The following SCAMP3 variants were observed in gnomAD, a reference collection of about 807,000 sequenced individuals.
The protein encoded by SCAMP3 is secretory carrier membrane protein 3, also known as secretory carrier-associated membrane protein 3.
A neutral mutation model predicts 44.1 loss-of-function variants in SCAMP3; 30 were observed. That is an observed-to-expected ratio of 0.68 (90% CI 0.51 to 0.92). The LOEUF (loss-of-function observed/expected upper bound fraction) is 0.92, where lower values mean the gene tolerates loss of function less well. Ranked by LOEUF, SCAMP3 falls within the 40% of genes least tolerant of loss-of-function variation. The pLI is 0.00. For missense variants in SCAMP3, 394 were observed against 440.0 expected, an observed-to-expected ratio of 0.90 and a Z score of 0.93; for synonymous variants, 168 against 171.1, an observed-to-expected ratio of 0.98 and a Z score of 0.14.
Position 155,262,189 on chromosome 1 carries a change from C to G in SCAMP3, c.-38G>C. The G allele has an allele frequency of 6.3e-7, 1 of 1,591,242 alleles. No individual in the cohort carries two copies. The highest frequency in any genetic ancestry group is 8.6e-7 in the Non-Finnish European group (1 of 1,164,344). ...GGCCTCCGCGGCCCTCTGCCCTCCA[C>G]GCCCCTGCCGCAGCAGTGGCGGTAG... On this transcript the variant is annotated 5_prime_UTR_variant, in exon 1 of 9. Coordinates refer to ENST00000302631, the MANE Select transcript of SCAMP3 (RefSeq NM_005698.4).
chr1:155,259,812 A>G (rs898826761), intron 4 of SCAMP3, among the ~76,000 whole-genome samples: 1 of 152,224 alleles, frequency 6.6e-6, no homozygotes, highest in Non-Finnish European at 1.5e-5. Flanking sequence ...CAACCCTGTC[A>G]AACGGATGCA....
At chr1:155,257,224 C>A in intron 7 of SCAMP3, 61 bp downstream of exon 7, 1 of 1,136,290 alleles carries the variant, frequency 8.8e-7, no homozygotes, top group Non-Finnish European at 1.3e-6. Context: ...ACTCCTATCC[C>A]AGCACCCAGT....
rs778845851 is a variant in SCAMP3, at chr1:155,262,156, G to GC, written c.-6dup. The GC allele has an allele frequency of 1.2e-6, 2 of 1,613,138 alleles. No individual in the cohort carries two copies. Among genetic ancestry groups the GC allele is most frequent in the South Asian group, 1.1e-5 (1 of 91,072 alleles). ...GCCGTCTCTGCTCTGAGCCATGTTT[G>GC]CAACTGCGGCCTCCGCGGCCCTCTG... is the stretch of plus-strand genomic sequence containing the variant. On this transcript the variant is annotated 5_prime_UTR_variant, in exon 1 of 9. Transcript: ENST00000302631.
chr1:155,256,140 G>T lies in SCAMP3; in HGVS notation c.*133C>A. On this transcript the variant is annotated 3_prime_UTR_variant, in exon 9 of 9. Transcript: ENST00000302631. ...CCCCACACGCCTGTCAGGTTCAGCA[G>T]TCATGGCCATAGGATTGGGAGCACT... 1.1e-6 allele frequency: 1 copy of T among 916,204 alleles called. No individual in the cohort carries two copies. Among genetic ancestry groups the T allele is most frequent in the Non-Finnish European group, 1.6e-6 (1 of 615,702 alleles). 56.8% of individuals were successfully genotyped at this position (916,204 alleles called of 1,614,324 possible).
chr1:155,261,319 C>A, intron 2 of SCAMP3: 1 of 316,074 alleles, frequency 3.2e-6, no homozygotes. Flanking sequence ...TAGTCCTCCT[C>A]ATTCCTTGCT....
rs994884748 is a variant in SCAMP3, at chr1:155,257,225, A to G, written c.779+60T>C. On this transcript the variant is annotated intron_variant, in intron 7 of 8. Coordinates refer to ENST00000302631, the MANE Select transcript of SCAMP3 (RefSeq NM_005698.4). ...CCTTTTTCTGAACAACTCCTATCCC[A>G]GCACCCAGTGCTGGCTGGATCTAGA... The G allele has an allele frequency of 5.7e-5, 65 of 1,142,096 alleles. No individual in the cohort carries two copies. The Middle Eastern group carries it at 5.8e-4, about 10-fold the overall frequency. The allele number at this position is 1,142,096 out of a possible 1,614,324, so 70.7% of individuals were successfully genotyped here. A position where few individuals can be genotyped will look rare whatever the true frequency, so the allele number is the denominator to read the frequency against.
Position 155,258,823 on chromosome 1 carries a change from C to T in SCAMP3, c.517+3G>A, listed in dbSNP as rs768583530. 5.6e-6 allele frequency: 9 copies of T among 1,603,460 alleles called. No homozygotes were observed. Among genetic ancestry groups the T allele is most frequent in the Admixed American group, 1.7e-5 (1 of 57,882 alleles). ...TTCCTCCAAAAGGCTTCTCACTACT[C>T]ACACATCCAGAGGTAGTACATGGTG... On this transcript the variant is annotated splice_donor_region_variant and intron_variant, in intron 5 of 8. Transcript: ENST00000302631.
chr1:155,262,062 AAG>A (rs1196063596), intron 1 of SCAMP3, 22 bp downstream of exon 1: 1 of 1,611,916 alleles, frequency 6.2e-7, no homozygotes, highest in Non-Finnish European at 8.5e-7. Flanking sequence ...GACCGCCCAA[AAG>A]AGGCCGACTG....
In SCAMP3 at chr1:155,261,739, G is replaced by A. The variant is rs1184074593; in HGVS notation, c.67-5C>T. 6.2e-7 allele frequency: 1 copy of A among 1,613,692 alleles called. No homozygotes were observed. Among genetic ancestry groups the A allele is most frequent in the South Asian group, 1.1e-5 (1 of 91,082 alleles). On this transcript the variant is annotated splice_region_variant and splice_polypyrimidine_tract_variant and intron_variant, in intron 1 of 8. Transcript: ENST00000302631. ...GTGCTGGATCACAGCTGGGTCCTGA[G>A]GGCAGAGACCCGGGTCTCAGCTGGC...
intron 2 of SCAMP3, chr1:155,261,305 G>T: frequency 3.6e-6 from 1 of 276,182 alleles, no homozygotes; most frequent in Non-Finnish European, 7.0e-6. Context: ...GGGACAAACA[G>T]GTGTAGTCCT....
chr1:155,258,029 T>C (rs1672853633), intron 5 of SCAMP3, among the ~76,000 whole-genome samples: 2 of 149,856 alleles, frequency 1.3e-5, no homozygotes, highest in Non-Finnish European at 3.0e-5. Flanking sequence ...TTTTCTTTTT[T>C]TTTTTTTGAG....
chr1:155,258,758 G>A (rs1358596242), intron 5 of SCAMP3, 68 bp downstream of exon 5: 5 of 1,456,460 alleles, frequency 3.4e-6, no homozygotes, highest in Non-Finnish European at 4.6e-6. Flanking sequence ...TTGGTTCTTG[G>A]TGAGCGGACC....
intron 4 of SCAMP3, among the ~76,000 whole-genome samples, chr1:155,259,180 T>C (rs1291466733): frequency 2.0e-5 from 3 of 148,184 alleles, no homozygotes; most frequent in Non-Finnish European, 3.0e-5. Flanking sequence ...TTTTTTTTTT[T>C]TTTTTTCTCC....
chr1:155,256,446 C>G, intron 8 of SCAMP3, 27 bp from the exon 9 acceptor site: 2 of 1,557,286 alleles, frequency 1.3e-6, no homozygotes, highest in South Asian at 2.4e-5. Context: ...AAGACATTAC[C>G]GCCCATTCCA....
chr1:155,257,563 G>C lies in SCAMP3; in HGVS notation c.612C>G (p.Leu204=). The C allele has an allele frequency of 6.2e-7, 1 of 1,609,104 alleles. No homozygotes were observed. The highest frequency in any genetic ancestry group is 8.5e-7 in the Non-Finnish European group (1 of 1,177,256). The change falls in exon 6 of 9, where the codon CTC becomes CTG. Residue 204 remains leucine (L), a synonymous_variant. Coordinates refer to ENST00000302631, the MANE Select transcript of SCAMP3 (RefSeq NM_005698.4). ...AGCAGGGAGTGAAAAGGAGGACCCA[G>C]AGGATAGAAAGCCCAAAGCCTGCGC... ...NNGAGFGLSI[L]WVLLFTPCSF...
chr1:155,260,501 C>A, intron 3 of SCAMP3, 36 bp downstream of exon 3: 1 of 1,614,132 alleles, frequency 6.2e-7, no homozygotes, highest in Non-Finnish European at 8.5e-7. Flanking sequence ...CAGGACTGGC[C>A]CTTCTCCCCA....
Position 155,258,970 on chromosome 1 carries a change from A to G in SCAMP3, c.389-16T>C. On this transcript the variant is annotated splice_polypyrimidine_tract_variant and intron_variant, in intron 4 of 8. Coordinates refer to ENST00000302631, the MANE Select transcript of SCAMP3 (RefSeq NM_005698.4). ...TTCTGTCGAGCTGTAAGGCACAAAA[A>G]AACAGGTGGACCCCAGAAGTAAAAC... The G allele has an allele frequency of 6.2e-7, 1 of 1,606,576 alleles. No homozygotes were observed. Among genetic ancestry groups the G allele is most frequent in the Non-Finnish European group, 8.5e-7 (1 of 1,177,078 alleles).
chr1:155,260,678 T>G lies in SCAMP3; in HGVS notation c.145-19A>C. On this transcript the variant is annotated intron_variant, in intron 2 of 8. Transcript: ENST00000302631. Reference sequence around the variant, plus strand: ...GTGGTGGCTGTTGAGGAAAAGACCTTAGTGATCATCTAGTCCCTCATAACA... The same window carrying G: ...GTGGTGGCTGTTGAGGAAAAGACCTGAGTGATCATCTAGTCCCTCATAACA... 2.5e-6 allele frequency: 4 copies of G among 1,592,934 alleles called. No homozygotes were observed. The highest frequency in any genetic ancestry group is 3.4e-6 in the Non-Finnish European group (4 of 1,169,972).
rs1218946469 is a variant in SCAMP3, at chr1:155,258,928, G to A, written c.415C>T (p.Pro139Ser). The A allele has an allele frequency of 5.6e-6, 9 of 1,612,684 alleles. No individual in the cohort carries two copies. The highest frequency in any genetic ancestry group is 7.6e-6 in the Non-Finnish European group (9 of 1,179,484). The change falls in exon 5 of 9, where the codon CCT becomes TCT. Residue 139 changes from proline to serine, a missense_variant. Physicochemically the swap from Pro to Ser is moderately conservative, Grantham distance 74. Coordinates refer to ENST00000302631, the MANE Select transcript of SCAMP3 (RefSeq NM_005698.4). ...ATRQNNWPPLPSFCPVQPCFF... is the reference protein window; with the variant it reads ...ATRQNNWPPLSSFCPVQPCFF... ...CAGGGCTGAACTGGACAAAAAGAAG[G>A]TAGAGGGGGCCAATTGTTCTGTCGA...
Sources: allele counts gnomAD v4.1 joint callset (sites outside exome capture counted in the v4.1 genomes callset), GRCh38; gene constraint gnomAD v4.1.1; transcripts MANE v1.5; gene names NCBI Gene and HGNC (gene_info 2026-07-23, HGNC 2026-07-21).